The following SLC2A5 variants were observed in gnomAD, a reference collection of about 807,000 sequenced individuals.
The protein encoded by SLC2A5 is solute carrier family 2 member 5, also known as solute carrier family 2, facilitated glucose transporter member 5.
SLC2A5 carries 56 observed loss-of-function variants against 50.3 expected under a neutral mutation model. The ratio of observed to expected loss-of-function variants is 1.11; its 90% CI spans 0.90 to 1.39. SLC2A5 has a LOEUF of 1.39. Ranked by LOEUF, SLC2A5 falls within the 40% of genes most tolerant of loss-of-function variation. SLC2A5 has a pLI of 0.00. For missense variants in SLC2A5, 566 were observed against 650.1 expected (o/e 0.87, Z 1.41); for synonymous variants, 269 against 281.9 (o/e 0.95, Z 0.46).
Position 9,047,707 on chromosome 1 carries a change from T to C in SLC2A5, c.321A>G (p.Ile107Met). Reference protein sequence around the residue: ...GRKGALLFNNIFSIVPAILMG... With the variant: ...GRKGALLFNNMFSIVPAILMG... ...TTAAGATCGCAGGCACGATAGAAAATATGTTGTTGAACAGCAAGGCCCCTT... is the reference window on the plus strand; with the variant it reads ...TTAAGATCGCAGGCACGATAGAAAACATGTTGTTGAACAGCAAGGCCCCTT... Residue 107 changes from isoleucine (I) to methionine (M), a missense_variant, in exon 4 of 12, where the codon ATA becomes ATG. Physicochemically the swap from Ile to Met is conservative, Grantham distance 10. Transcript: ENST00000377424. 6.2e-7 allele frequency: 1 copy of C among 1,613,878 alleles called. No homozygotes were observed. Among genetic ancestry groups the C allele is most frequent in the Non-Finnish European group, 8.5e-7 (1 of 1,179,882 alleles).
Position 9,035,767 on chromosome 1 carries a change from G to T in SLC2A5, c.*1819C>A, listed in dbSNP as rs986959947. On this transcript the variant is annotated 3_prime_UTR_variant, in exon 12 of 12. Coordinates refer to ENST00000377424, the MANE Select transcript of SLC2A5 (RefSeq NM_003039.3). ...TATCAGAGACTGGGTAAATTGCAAA[G>T]AAAAAGAGATTTAATGGACTCGCCA... 1 of 152,164 alleles carries T rather than the reference G, an allele frequency of 6.6e-6. No homozygotes were observed. Among genetic ancestry groups the T allele is most frequent in the Non-Finnish European group, 1.5e-5 (1 of 68,056 alleles). 9.4% of individuals were successfully genotyped at this position (152,164 alleles called of 1,614,324 possible).
At chr1:9,069,655 C>T, upstream of SLC2A5, 2 of 1,045,878 alleles carry the variant, frequency 1.9e-6, no homozygotes, top group Admixed American at 1.8e-5. Flanking sequence ...CAGCCAATAG[C>T]ATTTTTATAG....
intron 1 of SLC2A5, among the ~76,000 whole-genome samples, chr1:9,061,622 C>A (rs1231654169): frequency 1.9e-5 from 2 of 102,674 alleles, no homozygotes; most frequent in Non-Finnish European, 4.1e-5. Context: ...AAAAAAAATT[C>A]TTTTCTAATT....
At position 9,060,149 on chromosome 1, in the gene SLC2A5, C is replaced by CACTACAT. The variant is rs560083338; in HGVS notation, c.34-1900_34-1899insATGTAGT. Among the ~76,000 whole-genome samples the CACTACAT allele has an allele frequency of 4.3e-3, 607 of 139,656 alleles. 10 individuals are homozygous for CACTACAT. In the South Asian group the frequency reaches 0.046, roughly 11 times the overall value. The allele number at this position is 139,656 out of a possible 152,430, so 91.6% of individuals were successfully genotyped here. On this transcript the variant is annotated intron_variant, in intron 1 of 11. Transcript: ENST00000377424. ...ACACACAACACACACACTACATACA[C>CACTACAT]ACTACACACACTACACACTACATAC...
intron 4 of SLC2A5, among the ~76,000 whole-genome samples, chr1:9,044,200 A>G (rs190002851): frequency 2.0e-5 from 3 of 151,950 alleles, no homozygotes; most frequent in African/African-American, 7.2e-5. Flanking sequence ...GCACGGTGGC[A>G]CATGCCTACA....
intron 4 of SLC2A5, among the ~76,000 whole-genome samples, chr1:9,047,073 G>C (rs1392355953): frequency 6.6e-6 from 1 of 152,052 alleles, no homozygotes; most frequent in Non-Finnish European, 1.5e-5. Flanking sequence ...TCCAGCCATG[G>C]GGAACTGTAA....
At chr1:9,046,685 T>TGC (rs1557666163) in intron 4 of SLC2A5, among the ~76,000 whole-genome samples, 5 of 151,994 alleles carry the variant, frequency 3.3e-5, no homozygotes, top group African/African-American at 9.7e-5. Context: ...TGTGTGTGTG[T>TGC]GTGTGTGTGT....
At chr1:9,056,280 GGCTCAA>G (rs796655196) in intron 3 of SLC2A5, among the ~76,000 whole-genome samples, 4 of 152,266 alleles carry the variant, frequency 2.6e-5, no homozygotes, top group African/African-American at 9.6e-5. Flanking sequence ...CCGCTTCCCA[GGCTCAA>G]GCAATTCTCC....
intron 1 of SLC2A5, among the ~76,000 whole-genome samples, chr1:9,068,211 C>T (rs1181253153): frequency 9.9e-6 from 1 of 101,250 alleles, no homozygotes; most frequent in Non-Finnish European, 2.0e-5. Flanking sequence ...AAAAAAAAAG[C>T]GAGAGAGAGA....
chr1:9,038,139 T>C (rs1399419988), intron 10 of SLC2A5, 115 bp from the exon 11 acceptor site: 5 of 1,284,792 alleles, frequency 3.9e-6, no homozygotes, highest in African/African-American at 3.0e-5. Flanking sequence ...TCCAGGACTC[T>C]TGGGCATGTG....
At chr1:9,057,387 G>C (rs1306529810) in intron 3 of SLC2A5, 61 bp downstream of exon 3, 1 of 1,231,574 alleles carries the variant, frequency 8.1e-7, no homozygotes. Context: ...TTGTAGGCCT[G>C]TATTTTAGCT....
At chr1:9,069,869 A>C, upstream of SLC2A5, 1 of 239,340 alleles carries the variant, frequency 4.2e-6, no homozygotes, top group South Asian at 7.7e-5. Context: ...TGGAAGGGTT[A>C]TTTCTGTCAG....
Position 9,040,729 on chromosome 1 carries a change from G to A in SLC2A5, c.572-540C>T, listed in dbSNP as rs1328210286. On this transcript the variant is annotated intron_variant, in intron 5 of 11. Transcript: ENST00000377424. The surrounding 1 kb of genome is among the most constrained non-coding windows in gnomAD (Gnocchi z 4.3). ...AAATGAAGCACAGAGCTTCACAAAT[G>A]CCTAGAGGGCCGTGTGTGGTTCTGA... 6.5e-6 allele frequency: 1 copy of A among 154,618 alleles called. No homozygotes were observed. Among genetic ancestry groups the A allele is most frequent in the African/African-American group, 2.4e-5 (1 of 41,482 alleles). 9.6% of individuals were successfully genotyped at this position (154,618 alleles called of 1,614,324 possible).
At chr1:9,082,688 G>A in intron 2 of SLC2A5, 1 of 251,012 alleles carries the variant, frequency 4.0e-6, no homozygotes, top group South Asian at 4.3e-5. Flanking sequence ...CATAGAGAAT[G>A]CAGATTGATG....
chr1:9,053,209 T>C (rs1180242184), intron 3 of SLC2A5, among the ~76,000 whole-genome samples: 1 of 85,078 alleles, frequency 1.2e-5, no homozygotes, highest in African/African-American at 4.8e-5. Flanking sequence ...TATATTATAT[T>C]TATATATTAT....
chr1:9,092,531 A>G (rs116256191), upstream of SLC2A5, among the ~76,000 whole-genome samples: 2,323 of 152,236 alleles, frequency 0.015, 63 homozygotes, highest in African/African-American at 0.053. Flanking sequence ...CCAACCCACC[A>G]AGCCAGAGGA....
chr1:9,076,208 G>A (rs555051076), intron 2 of SLC2A5, among the ~76,000 whole-genome samples: 3 of 151,948 alleles, frequency 2.0e-5, no homozygotes, highest in Non-Finnish European at 4.4e-5. Flanking sequence ...TGACCGCCTC[G>A]GCCTCCCAAA....
rs1305850445 is a variant in SLC2A5 at position 9,037,534 on chromosome 1, G to A, written c.*52C>T. On this transcript the variant is annotated 3_prime_UTR_variant, in exon 12 of 12. Coordinates refer to ENST00000377424, the MANE Select transcript of SLC2A5 (RefSeq NM_003039.3). ...AGACAGCTAGAAGTCAGAAAAATAA[G>A]CCAAAGTGGGAAGCCCCTGGCAGAC... 2.0e-6 allele frequency: 3 copies of A among 1,480,350 alleles called. No individual in the cohort carries two copies. The highest frequency in any genetic ancestry group is 1.7e-5 in the Admixed American group (1 of 58,778). The allele number at this position is 1,480,350 out of a possible 1,614,324, so 91.7% of individuals were successfully genotyped here. A position where few individuals can be genotyped will look rare whatever the true frequency, so the allele number is the denominator to read the frequency against.
chr1:9,053,391 A>AC, intron 3 of SLC2A5, among the ~76,000 whole-genome samples: 1 of 32,074 alleles, frequency 3.1e-5, no homozygotes, highest in Non-Finnish European at 5.4e-5. Flanking sequence ...ATATTTATAT[A>AC]TATTATATAT....
Sources: allele counts gnomAD v4.1 joint callset (sites outside exome capture counted in the v4.1 genomes callset), GRCh38; gene constraint gnomAD v4.1.1; non-coding constraint Gnocchi (gnomAD v3.1); transcripts MANE v1.5; gene names NCBI Gene and HGNC (gene_info 2026-07-23, HGNC 2026-07-21).